The following CES5A variants were observed in gnomAD, a reference collection of about 807,000 sequenced individuals.
CES5A encodes carboxylesterase 5.
Under a neutral mutation model 62.9 loss-of-function variants are expected in CES5A, and 67 were observed. The observed-to-expected ratio is 1.07, with a 90% CI of 0.88 to 1.31. The LOEUF (loss-of-function observed/expected upper bound fraction) is 1.31, where lower values mean the gene tolerates loss of function less well. Ranked by LOEUF, CES5A falls within the 50% of genes most tolerant of loss-of-function variation. CES5A has a pLI of 0.00. For synonymous variants in CES5A, 296 were observed against 280.8 expected (o/e 1.05, Z -0.54); for missense variants, 748 against 708.5 (o/e 1.06, Z -0.63).
chr16:55,862,449 G>A (rs1273538241), intron 6 of CES5A, among the ~76,000 whole-genome samples: 1 of 152,160 alleles, frequency 6.6e-6, no homozygotes, highest in East Asian at 1.9e-4. Flanking sequence ...TTTAGGATGT[G>A]CTTTCTCCAC....
intron 1 of CES5A, among the ~76,000 whole-genome samples, chr16:55,907,477 G>A (rs554886391): frequency 1.3e-5 from 2 of 152,092 alleles, no homozygotes; most frequent in African/African-American, 4.8e-5. Flanking sequence ...GGGTTTATTC[G>A]GTGCCTCCAA....
rs1053055483 is a variant in CES5A, at chr16:55,934,445, A to C, written c.160+15340T>G. Reference sequence around the variant, plus strand: ...AGTAAATATCTATTAATTTAATATCAGTACAATATTGATCCACGGACTGGA... The same window carrying C: ...AGTAAATATCTATTAATTTAATATCCGTACAATATTGATCCACGGACTGGA... On this transcript the variant is annotated intron_variant, in intron 2 of 13. Transcript: ENST00000521992. 6.6e-5 allele frequency among the ~76,000 whole-genome samples: 10 copies of C among 152,342 alleles called. No individual in the cohort carries two copies. In the East Asian group the frequency reaches 1.9e-3, roughly 29 times the overall value.
chr16:55,852,923 A>T lies in CES5A; in HGVS notation c.1231T>A (p.Phe411Ile). 6.2e-7 allele frequency: 1 copy of T among 1,614,164 alleles called. No individual in the cohort carries two copies. The highest frequency in any genetic ancestry group is 1.1e-5 in the South Asian group (1 of 91,082). The change falls in exon 10 of 13, where the codon TTC becomes ATC. Residue 411 changes from phenylalanine (F) to isoleucine (I), a missense_variant. Phe to Ile is a conservative substitution (Grantham distance 21). Transcript: ENST00000290567. ...GTGATCAGTGCAGGGACCACAAAGAACACATCTCCAAGCAAGTCCAGAAGA... is the reference window on the plus strand; with the variant it reads ...GTGATCAGTGCAGGGACCACAAAGATCACATCTCCAAGCAAGTCCAGAAGA... ...DSLLDLLGDVFFVVPALITAR... is the reference protein window; with the variant it reads ...DSLLDLLGDVIFVVPALITAR...
chr16:55,888,005 G>C (rs188126674), intron 1 of CES5A, among the ~76,000 whole-genome samples: 1 of 152,150 alleles, frequency 6.6e-6, no homozygotes, highest in Non-Finnish European at 1.5e-5. Flanking sequence ...CAAGGGTCTG[G>C]TGATACCTGG....
At chr16:55,873,099 C>T (rs2033626051) in intron 2 of CES5A, among the ~76,000 whole-genome samples, 1 of 152,062 alleles carries the variant, frequency 6.6e-6, no homozygotes, top group African/African-American at 2.4e-5. Flanking sequence ...CCCATGTGGC[C>T]CAACCTGAGA....
At chr16:55,901,230 A>G (rs948545390) in intron 1 of CES5A, among the ~76,000 whole-genome samples, 5 of 152,194 alleles carry the variant, frequency 3.3e-5, no homozygotes, top group African/African-American at 1.2e-4. Flanking sequence ...CATGTAAGAC[A>G]TGACTTTGCC....
chr16:55,925,630 TAAATGGATAAAGA>T (rs1261652064), upstream of CES5A, among the ~76,000 whole-genome samples: 7 of 152,068 alleles, frequency 4.6e-5, no homozygotes, highest in African/African-American at 1.7e-4. Flanking sequence ...CAACAGTGGA[TAAATGGATAAAGA>T]AAATGTGATA....
rs190319800 is a variant in CES5A at position 55,846,355 on chromosome 16, T to A, written c.*96A>T. On this transcript the variant is annotated 3_prime_UTR_variant, in exon 13 of 13. Transcript: ENST00000290567. ...GCGAAAGCAGCTTGTTTTGCAAGGA[T>A]CCCCATAGAAAGCAGCTGAGCTCAG... 1.6e-5 allele frequency: 14 copies of A among 889,600 alleles called. No homozygotes were observed. The East Asian group carries it at 2.0e-4, about 13-fold the overall frequency. The allele number at this position is 889,600 out of a possible 1,614,324, so 55.1% of individuals were successfully genotyped here.
chr16:55,850,871 A>G (rs2033118230), intron 10 of CES5A, among the ~76,000 whole-genome samples: 1 of 149,404 alleles, frequency 6.7e-6, no homozygotes. Context: ...TGGTTTCTCT[A>G]TGTCCTTCAC....
chr16:55,949,235 C>T (rs1344812235), intron 2 of CES5A, among the ~76,000 whole-genome samples: 1 of 152,016 alleles, frequency 6.6e-6, no homozygotes, highest in Non-Finnish European at 1.5e-5. Context: ...GGGGAGGAGG[C>T]AGACTGGGAA....
intron 1 of CES5A, among the ~76,000 whole-genome samples, chr16:55,921,033 C>T (rs1410844979): frequency 6.6e-6 from 1 of 151,990 alleles, no homozygotes; most frequent in Non-Finnish European, 1.5e-5. Flanking sequence ...AAGGAAAGAT[C>T]AGTGAGCTTG....
At chr16:55,925,564 C>T (rs1236398907), upstream of CES5A, 2 of 152,042 alleles carry the variant, frequency 1.3e-5, no homozygotes, top group Non-Finnish European at 2.9e-5. Flanking sequence ...TCTGCATTCC[C>T]ATATTTATTG....
intron 1 of CES5A, among the ~76,000 whole-genome samples, chr16:55,901,942 A>G (rs930937091): frequency 6.6e-6 from 1 of 152,156 alleles, no homozygotes; most frequent in African/African-American, 2.4e-5. Context: ...AGCAGCCAAA[A>G]TTCCTCATCC....
chr16:55,854,788 T>A (rs1369327436), intron 9 of CES5A, among the ~76,000 whole-genome samples: 1 of 151,926 alleles, frequency 6.6e-6, no homozygotes, highest in Non-Finnish European at 1.5e-5. Context: ...TGCCTTGGCC[T>A]CCCAAAGTGC....
intron 1 of CES5A, among the ~76,000 whole-genome samples, chr16:55,921,793 T>TATCAAAACA (rs2034207903): frequency 6.6e-6 from 1 of 151,878 alleles, no homozygotes; most frequent in Admixed American, 6.6e-5. Flanking sequence ...AAGACAAATA[T>TATCAAAACA]ATCAAAACAA....
At chr16:55,940,407 T>G (rs1189966396) in intron 2 of CES5A, among the ~76,000 whole-genome samples, 1 of 151,886 alleles carries the variant, frequency 6.6e-6, no homozygotes, top group Non-Finnish European at 1.5e-5. Flanking sequence ...ACAAACATAA[T>G]ACATATAAAT....
chr16:55,933,560 T>G (rs1567359982), intron 2 of CES5A, among the ~76,000 whole-genome samples: 1 of 152,206 alleles, frequency 6.6e-6, no homozygotes, highest in African/African-American at 2.4e-5. Flanking sequence ...TGTTTCTGGT[T>G]TCTCAGTTCA....
chr16:55,925,940 T>C (rs1230285606), upstream of CES5A, among the ~76,000 whole-genome samples: 1 of 151,962 alleles, frequency 6.6e-6, no homozygotes, highest in African/African-American at 2.4e-5. Flanking sequence ...AAATAACTCT[T>C]CTGTGGGAGA....
At chr16:55,854,045 G>A (rs2033183100) in intron 9 of CES5A, among the ~76,000 whole-genome samples, 1 of 152,166 alleles carries the variant, frequency 6.6e-6, no homozygotes, top group African/African-American at 2.4e-5. Flanking sequence ...TATGGTATAA[G>A]GGCCTGGCCT....
Sources: gnomAD v4.1 joint callset for allele counts (sites outside exome capture counted in the v4.1 genomes callset) on GRCh38, gnomAD v4.1.1 for gene constraint, MANE v1.5 for transcripts, NCBI Gene and HGNC (gene_info 2026-07-23, HGNC 2026-07-21) for gene names.